Variants in MROH1 observed in about 807,000 individuals in gnomAD.
MROH1 encodes the protein maestro heat like repeat family member 1.
In MROH1, 117 loss-of-function variants were observed where a neutral mutation model predicts 116.5. The observed-to-expected ratio is 1.00, with a 90% CI of 0.86 to 1.17. MROH1 has a LOEUF of 1.17. Ranked by LOEUF, MROH1 falls within the 50% of genes most tolerant of loss-of-function variation. MROH1 has a pLI of 0.00. For missense variants in MROH1, 1,873 were observed against 1,338.5 expected, an observed-to-expected ratio of 1.40 and a Z score of -6.23; for synonymous variants, 921 against 583.9, an observed-to-expected ratio of 1.58 and a Z score of -8.32.
chr8:144,209,788 C>T (rs989116975), intron 12 of MROH1, among the ~76,000 whole-genome samples: 13 of 150,766 alleles, frequency 8.6e-5, no homozygotes, highest in Non-Finnish European at 1.5e-4. Context: ...CATCTGTAGT[C>T]CCAGCTACTC....
chr8:144,177,317 C>T (rs1465428646), intron 4 of MROH1, among the ~76,000 whole-genome samples: 2 of 152,214 alleles, frequency 1.3e-5, no homozygotes, highest in Non-Finnish European at 2.9e-5. Flanking sequence ...AGCTGCCTGG[C>T]GCTGCCCCGT....
chr8:144,240,493 A>G (rs1174518952), intron 19 of MROH1, 77 bp from the exon 20 acceptor site: 2 of 707,894 alleles, frequency 2.8e-6, no homozygotes, highest in Non-Finnish European at 5.2e-6. Context: ...GCCACAGCAC[A>G]TGGGGATGTG....
chr8:144,251,926 T>C, intron 33 of MROH1: 1 of 203,298 alleles, frequency 4.9e-6, no homozygotes, highest in Admixed American at 6.2e-5. Flanking sequence ...GCAGTGCTGC[T>C]GCCCATCCTT....
intron 4 of MROH1, among the ~76,000 whole-genome samples, chr8:144,169,193 G>A (rs1473980966): frequency 1.3e-5 from 2 of 152,178 alleles, no homozygotes; most frequent in African/African-American, 4.8e-5. Flanking sequence ...TCTGGGAAGG[G>A]GAAGAGGCTT....
intron 7 of MROH1, among the ~76,000 whole-genome samples, chr8:144,183,450 T>C (rs906398470): frequency 8.0e-5 from 12 of 150,332 alleles, no homozygotes; most frequent in Non-Finnish European, 3.0e-5. Flanking sequence ...TGGTGGTCTG[T>C]TATTCTGAAA....
In MROH1 at chr8:144,258,898, G is replaced by A. The variant is rs1844433043; in HGVS notation, c.3913G>A (p.Ala1305Thr). 2 of 757,688 alleles carry A rather than the reference G, an allele frequency of 2.6e-6. No individual in the cohort carries two copies. The highest frequency in any genetic ancestry group is 1.7e-5 in the African/African-American group (1 of 58,694). 46.9% of individuals were successfully genotyped at this position (757,688 alleles called of 1,614,324 possible). A position where few individuals can be genotyped will look rare whatever the true frequency, so the allele number is the denominator to read the frequency against. The change falls in exon 36 of 44, where the codon GCC becomes ACC. Residue 1305 changes from alanine to threonine, a missense_variant. Coordinates refer to ENST00000326134, the MANE Select transcript of MROH1 (RefSeq NM_032450.3). ...LRTSAGHEEG[A>T]TRLARAMAEH... ...GACCTCGGCGGGGCATGAGGAGGGG[G>A]CCACCAGGTTGGCCAGGTGAGCGGG...
chr8:144,253,128 T>C (rs1296259036), intron 33 of MROH1, among the ~76,000 whole-genome samples: 4 of 151,192 alleles, frequency 2.6e-5, no homozygotes, highest in African/African-American at 9.7e-5. Context: ...CACTCCAGCC[T>C]GGGCAACAGA....
chr8:144,233,714 T>C (rs1325453596), intron 14 of MROH1, among the ~76,000 whole-genome samples: 2 of 152,236 alleles, frequency 1.3e-5, no homozygotes, highest in Non-Finnish European at 2.9e-5. Context: ...TGTGTGGAGA[T>C]GGCGAAGTGC....
chr8:144,260,563 G>T, intron 39 of MROH1, 114 bp from the exon 40 acceptor site: 3 of 760,948 alleles, frequency 3.9e-6, no homozygotes, highest in Non-Finnish European at 7.2e-6. Flanking sequence ...CCCACCCGTC[G>T]GGGTGTTTCC....
At chr8:144,240,900 A>G (rs1173502359) in intron 20 of MROH1, 92 bp from the exon 21 acceptor site, 201 of 711,318 alleles carry the variant, frequency 2.8e-4, no homozygotes. Flanking sequence ...GCTTGTGGGC[A>G]GGAGGTGCAC....
intron 7 of MROH1, among the ~76,000 whole-genome samples, chr8:144,189,249 C>T (rs1002875662): frequency 7.9e-5 from 12 of 152,138 alleles, no homozygotes; most frequent in African/African-American, 2.2e-4. Flanking sequence ...AGCCCCTCCC[C>T]GTGCGGTGGG....
At chr8:144,159,796 C>G (rs557367387) in intron 1 of MROH1, among the ~76,000 whole-genome samples, 1 of 121,382 alleles carries the variant, frequency 8.2e-6, no homozygotes, top group Non-Finnish European at 1.6e-5. Flanking sequence ...GAGACGGAGT[C>G]TCGCTTTGTC....
chr8:144,260,086 C>A, intron 38 of MROH1, 29 bp downstream of exon 38: 2 of 734,974 alleles, frequency 2.7e-6, no homozygotes, highest in Admixed American at 1.8e-5. Context: ...CCTCTGGGTC[C>A]CAGGCAGCAT....
chr8:144,172,484 T>C (rs953117288), intron 4 of MROH1, among the ~76,000 whole-genome samples: 2 of 151,220 alleles, frequency 1.3e-5, no homozygotes, highest in Admixed American at 6.7e-5. Flanking sequence ...CGATCTCGGC[T>C]CACTGCAACC....
chr8:144,238,769 GC>G lies in MROH1; in HGVS notation c.1356del (p.Gly453AlafsTer28). 3 of 772,828 alleles carry G rather than the reference GC, an allele frequency of 3.9e-6. No homozygotes were observed. The highest frequency in any genetic ancestry group is 2.4e-5 in the East Asian group (1 of 41,238). The allele number at this position is 772,828 out of a possible 1,614,324, so 47.9% of individuals were successfully genotyped here. A position where few individuals can be genotyped will look rare whatever the true frequency, so the allele number is the denominator to read the frequency against. On this transcript the variant is annotated frameshift_variant, in exon 15 of 44. Transcript: ENST00000326134. LOFTEE classifies it high-confidence loss of function. ...GCCTTCCTCCAGCCTGAGAAGCCAG[GC>G]CCCGGCAGCAAGGACCCCAAGGCCG... ...LPPEQEPEKP[G>X]PGSKDPKADS...
At chr8:144,252,911 G>A (rs1350756684) in intron 33 of MROH1, among the ~76,000 whole-genome samples, 3 of 151,886 alleles carry the variant, frequency 2.0e-5, no homozygotes, top group Non-Finnish European at 4.4e-5. Context: ...AGCCATGATT[G>A]GGCCATTGCA....
At chr8:144,241,602 G>A (rs1475447512) in intron 22 of MROH1, 85 bp downstream of exon 22, 3 of 770,136 alleles carry the variant, frequency 3.9e-6, no homozygotes, top group Non-Finnish European at 7.3e-6. Context: ...GCTGGAGTGG[G>A]GCAGGAAGCT....
chr8:144,254,528 C>T (rs1005146447), intron 33 of MROH1: 11,211 of 368,166 alleles, frequency 0.03, 254 homozygotes, highest in Admixed American at 0.053. Context: ...GTTCTCCCTC[C>T]CAGTAGCTCC....
intron 14 of MROH1, among the ~76,000 whole-genome samples, chr8:144,236,495 C>A (rs916174055): frequency 3.3e-5 from 5 of 152,144 alleles, no homozygotes; most frequent in Non-Finnish European, 5.9e-5. Context: ...AATCCCAGCA[C>A]TTTGGGAGGC....
Sources: gnomAD v4.1 joint callset for allele counts (sites outside exome capture counted in the v4.1 genomes callset) on GRCh38, gnomAD v4.1.1 for gene constraint, MANE v1.5 for transcripts, NCBI Gene and HGNC (gene_info 2026-07-23, HGNC 2026-07-21) for gene names.